NDRG2: variants seen among roughly 807,000 people sequenced by gnomAD.
The protein encoded by NDRG2 is protein NDRG2.
A neutral mutation model predicts 58.2 loss-of-function variants in NDRG2; 34 were observed. The observed-to-expected ratio is 0.58, with a 90% CI of 0.44 to 0.78. The LOEUF (loss-of-function observed/expected upper bound fraction) is 0.78. Ranked by LOEUF, NDRG2 falls within the 30% of genes least tolerant of loss-of-function variation. The pLI is 0.00. For missense variants in NDRG2, 434 were observed against 471.2 expected, an observed-to-expected ratio of 0.92 and a Z score of 0.73; for synonymous variants, 187 against 175.9, an observed-to-expected ratio of 1.06 and a Z score of -0.50.
At chr14:21,039,808 ACACAGTCCTAAGG>A (rs1884807704) in intron 1 of NDRG2, among the ~76,000 whole-genome samples, 1 of 152,158 alleles carries the variant, frequency 6.6e-6, no homozygotes, top group African/African-American at 2.4e-5. Flanking sequence ...TTTCACTTTC[ACACAGTCCTAAGG>A]CAGCCTTCTA....
intron 1 of NDRG2, chr14:21,030,942 G>A (rs1259472530): frequency 6.5e-7 from 1 of 1,547,950 alleles, no homozygotes; most frequent in African/African-American, 1.4e-5. Context: ...TCTGAGTGAG[G>A]CAAGAGTTGG....
intron 1 of NDRG2, chr14:21,034,126 G>T (rs762579702): frequency 6.2e-7 from 1 of 1,614,232 alleles, no homozygotes; most frequent in East Asian, 2.2e-5. Flanking sequence ...TAGGACATCA[G>T]ACCATTACAA....
chr14:21,030,127 G>A (rs577583028), upstream of NDRG2: 1 of 154,936 alleles, frequency 6.5e-6, no homozygotes, highest in Admixed American at 6.4e-5. Flanking sequence ...CCCCTCCTTT[G>A]AAGGCAATGG....
chr14:21,021,839 G>A lies in NDRG2; in HGVS notation c.385C>T (p.Pro129Ser), dbSNP rs768977191. The A allele has an allele frequency of 1.2e-6, 2 of 1,613,338 alleles. No homozygotes were observed. The highest frequency in any genetic ancestry group is 2.2e-5 in the East Asian group (1 of 44,874). ...PSLDQLADMI[P>S]CVLQYLNFST... ...CACTTTAGGTACTGCAGGACGCAAG[G>A]GATCATGTCTGCAAGCTGGTCCAGA... Residue 129 changes from proline (P) to serine (S), a missense_variant, in exon 6 of 16, where the codon CCT (proline) becomes TCT (serine). Physicochemically the swap from Pro to Ser is moderately conservative, Grantham distance 74. Coordinates refer to ENST00000556147, the MANE Select transcript of NDRG2 (RefSeq NM_001320329.2).
chr14:21,045,407 T>A (rs1176182032), intron 1 of NDRG2, among the ~76,000 whole-genome samples: 2 of 152,242 alleles, frequency 1.3e-5, no homozygotes, highest in African/African-American at 4.8e-5. Flanking sequence ...ATTGCCATCA[T>A]CGAATGGACT....
rs763824234 is a variant in NDRG2 at position 21,017,884 on chromosome 14, G to C, written c.949+103C>G. 2.5e-6 allele frequency: 4 copies of C among 1,604,090 alleles called. No individual in the cohort carries two copies. In the African/African-American group the frequency reaches 5.4e-5, roughly 21 times the overall value. Reference sequence around the variant, plus strand: ...ACTAAGCCAGGGGATCAACGAGCTCGATTGGGCAGATAGCGGTGAGTCCAG... The same window carrying C: ...ACTAAGCCAGGGGATCAACGAGCTCCATTGGGCAGATAGCGGTGAGTCCAG... On this transcript the variant is annotated intron_variant, in intron 15 of 15. Coordinates refer to ENST00000556147, the MANE Select transcript of NDRG2 (RefSeq NM_001320329.2).
intron 1 of NDRG2, chr14:21,031,060 G>T: frequency 1.2e-6 from 2 of 1,614,138 alleles, no homozygotes; most frequent in Non-Finnish European, 8.5e-7. Flanking sequence ...AAGAGGCAGT[G>T]AAGGAACTGG....
At chr14:21,022,289 T>TCTCCTTCCCACACTGACCC in intron 4 of NDRG2, 103 bp downstream of exon 4, 1 of 1,588,388 alleles carries the variant, frequency 6.3e-7, no homozygotes, top group Non-Finnish European at 8.6e-7. Flanking sequence ...GGAGAGAACT[T>TCTCCTTCCCACACTGACCC]CTCCTTCCCA....
At chr14:21,030,703 A>G, upstream of NDRG2, 1 of 1,614,204 alleles carries the variant, frequency 6.2e-7, no homozygotes, top group Non-Finnish European at 8.5e-7. Flanking sequence ...GGCATCATGG[A>G]TGGCAAGACA....
intron 6 of NDRG2, 148 bp downstream of exon 6, chr14:21,021,669 A>G: frequency 1.1e-6 from 1 of 893,610 alleles, no homozygotes; most frequent in Non-Finnish European, 1.7e-6. Context: ...ACCTTTTCTC[A>G]ATAATCAAGG....
At chr14:21,042,063 C>T (rs532963781) in intron 1 of NDRG2, among the ~76,000 whole-genome samples, 6 of 152,334 alleles carry the variant, frequency 3.9e-5, no homozygotes, top group South Asian at 2.1e-4. Flanking sequence ...TGAATGACAA[C>T]TCTTCCTGAA....
chr14:21,039,062 C>T lies in NDRG2; in HGVS notation c.25-15741G>A, dbSNP rs932573898. On this transcript the variant is annotated intron_variant, in intron 1 of 14. Coordinates refer to the NDRG2 transcript ENST00000403829. ...GCTTTTGCTTGGAAGGGAACTCTCA[C>T]GGGCTTTCCATTGGTATCCAGAGGC... is the stretch of plus-strand genomic sequence containing the variant. Among the ~76,000 whole-genome samples, 6 of 152,342 alleles carry T rather than the reference C, an allele frequency of 3.9e-5. No homozygotes were observed. In the East Asian group the frequency reaches 5.8e-4, roughly 15 times the overall value.
In NDRG2 at chr14:21,033,455, G is replaced by C. The variant is rs1884386180; in HGVS notation, c.25-10134C>G. The C allele has an allele frequency of 1.3e-5, 4 of 307,998 alleles. No individual in the cohort carries two copies. In the South Asian group the frequency reaches 1.5e-4, roughly 11 times the overall value. 19.1% of individuals were successfully genotyped at this position (307,998 alleles called of 1,614,324 possible). A position where few individuals can be genotyped will look rare whatever the true frequency, so the allele number is the denominator to read the frequency against. On this transcript the variant is annotated intron_variant, in intron 1 of 14. Transcript: ENST00000403829. ...GAGGTGAGACTCGGAGCTGGTGCCTGTTGCCATGGTGTGAGCTGAGGCCCT... is the reference window on the plus strand; with the variant it reads ...GAGGTGAGACTCGGAGCTGGTGCCTCTTGCCATGGTGTGAGCTGAGGCCCT...
intron 5 of NDRG2, 40 bp from the exon 6 acceptor site, chr14:21,021,919 C>G (rs1224770171): frequency 6.2e-7 from 1 of 1,611,506 alleles, no homozygotes; most frequent in African/African-American, 1.3e-5. Flanking sequence ...ACCAACCTGC[C>G]CTCACACCCC....
chr14:21,024,255 G>A lies in NDRG2; in HGVS notation c.-232C>T. 3 of 985,436 alleles carry A rather than the reference G, an allele frequency of 3.0e-6. No homozygotes were observed. The highest frequency in any genetic ancestry group is 3.6e-6 in the Non-Finnish European group (3 of 830,016). 61.0% of individuals were successfully genotyped at this position (985,436 alleles called of 1,614,324 possible). A position where few individuals can be genotyped will look rare whatever the true frequency, so the allele number is the denominator to read the frequency against. On this transcript the variant is annotated 5_prime_UTR_variant, in exon 1 of 16. In the 5' UTR this introduces an upstream ATG that the reference lacks. Transcript: ENST00000556147. ...GTCTACCCCTAAGTCCAGAGAACAC[G>A]TCCTCTCTAGGCTCGAGCCGGAATC...
intron 1 of NDRG2, among the ~76,000 whole-genome samples, chr14:21,057,521 A>G (rs1022962146): frequency 6.6e-6 from 1 of 151,360 alleles, no homozygotes; most frequent in Non-Finnish European, 1.5e-5. Flanking sequence ...AATAGGAGTT[A>G]GGGAACTTGA....
chr14:21,018,546 T>G, intron 12 of NDRG2, 42 bp from the exon 13 acceptor site: 2 of 1,607,630 alleles, frequency 1.2e-6, no homozygotes, highest in Non-Finnish European at 1.7e-6. Flanking sequence ...TCACGCCCAC[T>G]GTGGCGCCTC....
Position 21,023,369 on chromosome 14 carries a change from C to A in NDRG2, c.-6-48G>T, listed in dbSNP as rs1472167511. On this transcript the variant is annotated intron_variant, in intron 1 of 15. Coordinates refer to ENST00000556147, the MANE Select transcript of NDRG2 (RefSeq NM_001320329.2). ...CTGGGAAGTTGTCTCTACATCCCCA[C>A]ATCGCCTCAAACACCAGGCTTCCTC... The A allele has an allele frequency of 5.3e-6, 8 of 1,522,572 alleles. No individual in the cohort carries two copies. The East Asian group carries it at 1.8e-4, about 35-fold the overall frequency. The allele number at this position is 1,522,572 out of a possible 1,614,324, so 94.3% of individuals were successfully genotyped here. A position where few individuals can be genotyped will look rare whatever the true frequency, so the allele number is the denominator to read the frequency against.
intron 1 of NDRG2, among the ~76,000 whole-genome samples, chr14:21,067,484 G>A (rs766757777): frequency 4.6e-5 from 7 of 152,184 alleles, no homozygotes; most frequent in Non-Finnish European, 7.3e-5. Flanking sequence ...AGCCTCTGGC[G>A]TCAGACAGCC....
Sources: gnomAD v4.1 joint callset for allele counts (sites outside exome capture counted in the v4.1 genomes callset) on GRCh38, gnomAD v4.1.1 for gene constraint, MANE v1.5 for transcripts, NCBI Gene and HGNC (gene_info 2026-07-23, HGNC 2026-07-21) for gene names.